CACNA2D3: variants seen among roughly 807,000 people sequenced by gnomAD.
CACNA2D3 encodes calcium voltage-gated channel auxiliary subunit alpha2delta 3.
In CACNA2D3, 60 loss-of-function variants were observed where a neutral mutation model predicts 160.6. The observed-to-expected ratio is 0.37, with a 90% confidence interval of 0.30 to 0.46. The LOEUF (loss-of-function observed/expected upper bound fraction) is 0.46, where lower values mean the gene tolerates loss of function less well. Ranked by LOEUF, CACNA2D3 falls within the 20% of genes least tolerant of loss-of-function variation. The probability of loss-of-function intolerance (pLI) is 1.00; values close to 1 mark genes in which losing one functional copy is unlikely to be tolerated. For missense variants in CACNA2D3, 1,205 were observed against 1,365.0 expected (o/e 0.88, Z 1.85); for synonymous variants, 558 against 492.9 (o/e 1.13, Z -1.75).
At chr3:55,042,631 T>C (rs184048141) in intron 35 of CACNA2D3, among the ~76,000 whole-genome samples, 1 of 152,332 alleles carries the variant, frequency 6.6e-6, no homozygotes, top group Admixed American at 6.5e-5. Context: ...TTTATTTACA[T>C]TTTCAATTTA....
intron 11 of CACNA2D3, among the ~76,000 whole-genome samples, chr3:54,687,129 T>TTTTTG (rs1559549391): frequency 1.8e-4 from 9 of 51,010 alleles, no homozygotes; most frequent in African/African-American, 7.7e-4. Context: ...TTCTTTTTTT[T>TTTTTG]TTTTTGTTTT....
chr3:55,029,250 A>G (rs1413300613), intron 35 of CACNA2D3, among the ~76,000 whole-genome samples: 1 of 152,198 alleles, frequency 6.6e-6, no homozygotes, highest in Admixed American at 6.5e-5. Context: ...GGTCTGGGCT[A>G]CCACACTTAC....
intron 25 of CACNA2D3, among the ~76,000 whole-genome samples, chr3:54,891,785 A>G (rs965478328): frequency 6.6e-6 from 1 of 152,190 alleles, no homozygotes; most frequent in African/African-American, 2.4e-5. Flanking sequence ...TCATCTCGTA[A>G]CAAATGGCTT....
chr3:54,960,888 C>G, intron 27 of CACNA2D3, among the ~76,000 whole-genome samples: 1 of 152,160 alleles, frequency 6.6e-6, no homozygotes, highest in African/African-American at 2.4e-5. Context: ...AGTCATTTAT[C>G]TTGGACACCA....
rs565949162 is a variant in CACNA2D3, at chr3:54,881,780, C to T, written c.1912+917C>T. On this transcript the variant is annotated intron_variant, in intron 21 of 37. Coordinates refer to ENST00000474759, the MANE Select transcript of CACNA2D3 (RefSeq NM_018398.3). ...AATTATAAGCAAAGTTTTAATTGGT[C>T]GGAACTGATTACACATGTATGTGGT... is the stretch of plus-strand genomic sequence containing the variant. 2.6e-5 allele frequency among the ~76,000 whole-genome samples: 4 copies of T among 152,270 alleles called. No homozygotes were observed. The South Asian group carries it at 6.2e-4, about 24-fold the overall frequency.
chr3:54,724,476 C>T (rs9846317), intron 11 of CACNA2D3, among the ~76,000 whole-genome samples: 5,575 of 152,230 alleles, frequency 0.037, 309 homozygotes, highest in African/African-American at 0.13. Flanking sequence ...TTCTTTTCAG[C>T]GCCTCACTGC....
intron 3 of CACNA2D3, among the ~76,000 whole-genome samples, chr3:54,352,167 C>G (rs1698575849): frequency 6.6e-6 from 1 of 152,162 alleles, no homozygotes; most frequent in African/African-American, 2.4e-5. Flanking sequence ...CACAGGATAG[C>G]AGGTGTACCT....
intron 3 of CACNA2D3, among the ~76,000 whole-genome samples, chr3:54,355,775 T>C (rs1185149355): frequency 6.6e-6 from 1 of 152,098 alleles, no homozygotes; most frequent in African/African-American, 2.4e-5. Flanking sequence ...GTATATTAAG[T>C]CATGTGTCTA....
At chr3:55,008,886 T>TACACACGCACACACACACAC (rs1491125549) in intron 33 of CACNA2D3, among the ~76,000 whole-genome samples, 1 of 53,292 alleles carries the variant, frequency 1.9e-5, no homozygotes, top group African/African-American at 7.5e-5. Flanking sequence ...CACCTCCCTC[T>TACACACGCACACACACACAC]ATACACACAC....
chr3:54,620,491 C>T (rs1202814839), intron 9 of CACNA2D3, among the ~76,000 whole-genome samples: 1 of 152,136 alleles, frequency 6.6e-6, no homozygotes, highest in Non-Finnish European at 1.5e-5. Flanking sequence ...CACAGGCATG[C>T]TCCATTGCTC....
chr3:54,214,702 G>A (rs1360815808), intron 2 of CACNA2D3, among the ~76,000 whole-genome samples: 18 of 152,166 alleles, frequency 1.2e-4, no homozygotes, highest in Admixed American at 1.2e-3. Context: ...CAGTCAGGAA[G>A]AGGCAGCTCT....
chr3:54,456,483 C>T (rs1184983184), intron 4 of CACNA2D3, among the ~76,000 whole-genome samples: 2 of 151,704 alleles, frequency 1.3e-5, no homozygotes, highest in Non-Finnish European at 2.9e-5. Context: ...GGTTGTTTTT[C>T]TATATATAAG....
intron 9 of CACNA2D3, among the ~76,000 whole-genome samples, chr3:54,597,681 A>G (rs1026632998): frequency 6.6e-6 from 1 of 152,178 alleles, no homozygotes; most frequent in African/African-American, 2.4e-5. Context: ...GGAGAAGGTG[A>G]AAAATAAAAC....
At chr3:54,472,283 C>A (rs866424587) in intron 4 of CACNA2D3, among the ~76,000 whole-genome samples, 1 of 152,260 alleles carries the variant, frequency 6.6e-6, no homozygotes, top group Middle Eastern at 3.4e-3. Flanking sequence ...ATAAACAGAA[C>A]CAATGACAAA....
chr3:54,452,644 C>A (rs1700328416), intron 4 of CACNA2D3, among the ~76,000 whole-genome samples: 1 of 152,202 alleles, frequency 6.6e-6, no homozygotes. Flanking sequence ...AGCAGCACTT[C>A]ACTTCCTAGT....
rs1163688221 is a variant in CACNA2D3, at chr3:55,074,171, C to T, written c.3241C>T (p.Leu1081=). 2.5e-6 allele frequency: 4 copies of T among 1,613,808 alleles called. No individual in the cohort carries two copies. The highest frequency in any genetic ancestry group is 3.4e-6 in the Non-Finnish European group (4 of 1,179,760). ...PSLQAQTVLL[L]LPLLLMLFSR ...TCTCCAAGCCCAGACAGTCCTCCTT[C>T]TGCTCCCTCTGCTTTTGATGCTCTT... The change falls in exon 38 of 38, where the codon CTG becomes TTG. Residue 1081 remains leucine (L), a synonymous_variant. Transcript: ENST00000474759.
chr3:54,566,124 C>A (rs142266860), intron 6 of CACNA2D3, among the ~76,000 whole-genome samples: 42 of 152,264 alleles, frequency 2.8e-4, no homozygotes, highest in Admixed American at 8.5e-4. Context: ...GGAGCTGGTC[C>A]CCAGCTGCAC....
chr3:54,566,466 T>C (rs575294247), intron 6 of CACNA2D3, among the ~76,000 whole-genome samples: 18 of 152,354 alleles, frequency 1.2e-4, no homozygotes, highest in African/African-American at 4.3e-4. Flanking sequence ...GTTTTCTACC[T>C]GGTTATTGGC....
At chr3:54,559,434 A>C (rs1702290124) in intron 5 of CACNA2D3, among the ~76,000 whole-genome samples, 1 of 152,066 alleles carries the variant, frequency 6.6e-6, no homozygotes, top group East Asian at 1.9e-4. Flanking sequence ...CTGGGACTAC[A>C]GACGCCCGCC....
Sources: allele counts gnomAD v4.1 joint callset (sites outside exome capture counted in the v4.1 genomes callset), GRCh38; gene constraint gnomAD v4.1.1; transcripts MANE v1.5; gene names NCBI Gene and HGNC (gene_info 2026-07-23, HGNC 2026-07-21).